The following ESYT2 variants were observed in gnomAD, a reference collection of about 807,000 sequenced individuals.
ESYT2 encodes the protein extended synaptotagmin 2.
In ESYT2, 54 loss-of-function variants were observed where a neutral mutation model predicts 107.2. The ratio of observed to expected loss-of-function variants is 0.50; its 90% confidence interval spans 0.40 to 0.63. The LOEUF (loss-of-function observed/expected upper bound fraction) is 0.63. ESYT2 is among the 30% of genes least tolerant of loss of function. ESYT2 has a pLI of 0.00. For synonymous variants in ESYT2, 491 were observed against 434.1 expected (o/e 1.13, Z -1.63); for missense variants, 1,020 against 1,094.5 (o/e 0.93, Z 0.96).
intron 15 of ESYT2, among the ~76,000 whole-genome samples, chr7:158,749,048 C>T (rs1047655161): frequency 6.6e-6 from 1 of 152,006 alleles, no homozygotes; most frequent in Non-Finnish European, 1.5e-5. Context: ...AGGAATTGTT[C>T]CCATGTGTCT....
chr7:158,814,643 C>T (rs1840101400), intron 1 of ESYT2, among the ~76,000 whole-genome samples: 1 of 152,216 alleles, frequency 6.6e-6, no homozygotes. Flanking sequence ...CACTGGCTAA[C>T]AAGGTGGTGG....
intron 13 of ESYT2, among the ~76,000 whole-genome samples, chr7:158,757,413 A>G (rs1413735973): frequency 6.6e-6 from 1 of 152,194 alleles, no homozygotes; most frequent in African/African-American, 2.4e-5. Flanking sequence ...AGCCACACCC[A>G]AAGTTTCCCT....
intron 16 of ESYT2, among the ~76,000 whole-genome samples, chr7:158,744,513 T>C (rs570038288): frequency 6.6e-6 from 1 of 152,198 alleles, no homozygotes; most frequent in East Asian, 1.9e-4. Context: ...TTAAAGAAAA[T>C]TTACAGCAAG....
At chr7:158,745,612 C>G (rs1361543759) in intron 16 of ESYT2, among the ~76,000 whole-genome samples, 2 of 151,978 alleles carry the variant, frequency 1.3e-5, no homozygotes, top group African/African-American at 4.8e-5. Flanking sequence ...AAGCCGGTCT[C>G]AAACATAAAA....
chr7:158,741,599 T>C lies in ESYT2; in HGVS notation c.2092A>G (p.Thr698Ala). The C allele has an allele frequency of 6.2e-7, 1 of 1,611,380 alleles. No homozygotes were observed. Among genetic ancestry groups the C allele is most frequent in the Non-Finnish European group, 8.5e-7 (1 of 1,179,842 alleles). Residue 698 changes from threonine (T) to alanine (A), a missense_variant, in exon 18 of 23, where the codon ACC becomes GCC. Coordinates refer to ENST00000275418, the MANE Select transcript of ESYT2 (RefSeq NM_001367773.1). ...SPGHISVKEP[T>A]PSIASDISLP... Reference sequence around the variant, plus strand: ...GAGATGTCCGAGGCGATGCTGGGGGTCGGCTCCTTGACTGAGATGTGGCCT... The same window carrying C: ...GAGATGTCCGAGGCGATGCTGGGGGCCGGCTCCTTGACTGAGATGTGGCCT...
chr7:158,739,809 T>A (rs1259156723), intron 18 of ESYT2, among the ~76,000 whole-genome samples: 1 of 151,996 alleles, frequency 6.6e-6, no homozygotes, highest in Non-Finnish European at 1.5e-5. Flanking sequence ...CCTTCGCAGT[T>A]CAGATGCAAC....
At chr7:158,757,012 C>A (rs149052338) in intron 13 of ESYT2, among the ~76,000 whole-genome samples, 174 of 149,230 alleles carry the variant, frequency 1.2e-3, no homozygotes, top group African/African-American at 4.1e-3. Flanking sequence ...AGATGAACCA[C>A]AAGAAAATGA....
At chr7:158,784,020 C>T (rs1013152917) in intron 6 of ESYT2, among the ~76,000 whole-genome samples, 4 of 152,050 alleles carry the variant, frequency 2.6e-5, no homozygotes, top group Non-Finnish European at 2.9e-5. Flanking sequence ...AGGTGCAGAC[C>T]CTCTCCTGCA....
chr7:158,793,583 T>TA, intron 4 of ESYT2, 67 bp downstream of exon 4: 2 of 1,171,860 alleles, frequency 1.7e-6, no homozygotes, highest in Non-Finnish European at 2.5e-6. Context: ...TCCTCCACCT[T>TA]ACAGGTACAG....
chr7:158,745,959 C>T (rs957213935), intron 16 of ESYT2, among the ~76,000 whole-genome samples: 1 of 151,646 alleles, frequency 6.6e-6, no homozygotes, highest in African/African-American at 2.4e-5. Context: ...GTAAGTGGGA[C>T]TGAAATAATA....
At chr7:158,809,239 A>G (rs1176985068) in intron 1 of ESYT2, among the ~76,000 whole-genome samples, 1 of 152,038 alleles carries the variant, frequency 6.6e-6, no homozygotes, top group Non-Finnish European at 1.5e-5. Context: ...GCACTTTGGG[A>G]GGCCAAGGCG....
At chr7:158,820,381 G>A (rs1395924901) in intron 1 of ESYT2, among the ~76,000 whole-genome samples, 1 of 152,166 alleles carries the variant, frequency 6.6e-6, no homozygotes, top group Non-Finnish European at 1.5e-5. Flanking sequence ...ACAAAAAATG[G>A]TAAGCCCGTG....
At chr7:158,758,577 GA>G (rs1442959851) in intron 13 of ESYT2, among the ~76,000 whole-genome samples, 1 of 152,314 alleles carries the variant, frequency 6.6e-6, no homozygotes, top group Admixed American at 6.5e-5. Flanking sequence ...ATTTACTGTG[GA>G]GGAGGAATTA....
chr7:158,805,946 A>G (rs1699075375), intron 1 of ESYT2, among the ~76,000 whole-genome samples: 1 of 152,232 alleles, frequency 6.6e-6, no homozygotes, highest in Admixed American at 6.5e-5. Context: ...TAACAGTGTA[A>G]AATAAGGACT....
chr7:158,774,073 A>C (rs1164648025), intron 6 of ESYT2, among the ~76,000 whole-genome samples: 3 of 152,238 alleles, frequency 2.0e-5, no homozygotes, highest in African/African-American at 7.2e-5. Context: ...GTTGATGAAA[A>C]CTATTGATTA....
intron 18 of ESYT2, among the ~76,000 whole-genome samples, chr7:158,739,879 C>T (rs941628359): frequency 4.6e-5 from 7 of 152,164 alleles, no homozygotes; most frequent in Middle Eastern, 6.8e-3. Context: ...AGATTCCTTG[C>T]GGCAGTAAGA....
chr7:158,748,335 T>C (rs1837473610), intron 15 of ESYT2, 55 bp from the exon 16 acceptor site: 1 of 1,338,032 alleles, frequency 7.5e-7, no homozygotes, highest in Non-Finnish European at 1.1e-6. Context: ...AAAGGGCTAC[T>C]CATTTTATGT....
intron 16 of ESYT2, among the ~76,000 whole-genome samples, chr7:158,744,810 A>G (rs1445646784): frequency 6.6e-6 from 1 of 152,254 alleles, no homozygotes; most frequent in Non-Finnish European, 1.5e-5. Flanking sequence ...AGAAATTAAC[A>G]CATAACTACT....
chr7:158,759,835 C>T (rs1284593957), intron 12 of ESYT2, among the ~76,000 whole-genome samples: 1 of 152,176 alleles, frequency 6.6e-6, no homozygotes, highest in Non-Finnish European at 1.5e-5. Context: ...AAGCTCAAAA[C>T]TGAAGATCTG....
Sources: gnomAD v4.1 joint callset for allele counts (sites outside exome capture counted in the v4.1 genomes callset) on GRCh38, gnomAD v4.1.1 for gene constraint, MANE v1.5 for transcripts, NCBI Gene and HGNC (gene_info 2026-07-23, HGNC 2026-07-21) for gene names.